Variants in UBE2H observed in about 807,000 individuals in gnomAD.
The protein encoded by UBE2H is ubiquitin-conjugating enzyme E2 H.
Under a neutral mutation model 29.0 loss-of-function variants are expected in UBE2H, and 3 were observed. That is an observed-to-expected ratio of 0.10 (90% confidence interval 0.05 to 0.27). The LOEUF is 0.27. Ranked by LOEUF, UBE2H falls within the 10% of genes least tolerant of loss-of-function variation. The pLI is 1.00. For missense variants in UBE2H, 68 were observed against 228.2 expected (o/e 0.30, Z 4.52); for synonymous variants, 69 against 82.9 (o/e 0.83, Z 0.91).
chr7:129,923,098 C>T (rs1807198281), intron 1 of UBE2H, among the ~76,000 whole-genome samples: 1 of 151,920 alleles, frequency 6.6e-6, no homozygotes, highest in Non-Finnish European at 1.5e-5. Context: ...GACAGGGTTC[C>T]ACCGTGTTAG....
At chr7:129,844,886 T>C (rs921158772) in intron 5 of UBE2H, among the ~76,000 whole-genome samples, 9 of 152,244 alleles carry the variant, frequency 5.9e-5, no homozygotes, top group Non-Finnish European at 1.3e-4. Context: ...CCTAGCACTT[T>C]GGGAGGCCGA....
intron 1 of UBE2H, among the ~76,000 whole-genome samples, chr7:129,908,198 T>C (rs1388403993): frequency 2.0e-5 from 3 of 152,204 alleles, no homozygotes; most frequent in Non-Finnish European, 2.9e-5. Context: ...TTACCAGCAG[T>C]AGACAGTTAT....
At chr7:129,839,103 A>C (rs1281421456) in intron 6 of UBE2H, 104 bp downstream of exon 6, 2 of 1,505,504 alleles carry the variant, frequency 1.3e-6, no homozygotes, top group Admixed American at 2.3e-5. Context: ...TTTAGGCCTA[A>C]GAAAAAGTAT....
chr7:129,891,444 A>G (rs1806485985), intron 1 of UBE2H, among the ~76,000 whole-genome samples: 1 of 152,190 alleles, frequency 6.6e-6, no homozygotes, highest in African/African-American at 2.4e-5. Flanking sequence ...AAATTAAATG[A>G]AATACTGTAT....
At chr7:129,864,934 T>C (rs1397127289) in intron 3 of UBE2H, 1 of 240,458 alleles carries the variant, frequency 4.2e-6, no homozygotes, top group Admixed American at 4.6e-5. Flanking sequence ...GGACAGTTAT[T>C]CTCTGGCGTA....
At chr7:129,947,807 T>C (rs1807795196) in intron 1 of UBE2H, among the ~76,000 whole-genome samples, 1 of 151,906 alleles carries the variant, frequency 6.6e-6, no homozygotes, top group Non-Finnish European at 1.5e-5. Context: ...TTTTCACTAC[T>C]AAACTCCCAG....
At chr7:129,871,713 CAAA>C (rs369901584) in intron 3 of UBE2H, among the ~76,000 whole-genome samples, 10 of 124,372 alleles carry the variant, frequency 8.0e-5, no homozygotes, top group Admixed American at 8.0e-5. Flanking sequence ...GACTCTGTAT[CAAA>C]AAAAAAAAAA....
rs182581581 is a variant in UBE2H, at chr7:129,930,181, G to A, written c.53+22322C>T. On this transcript the variant is annotated intron_variant, in intron 1 of 6. Coordinates refer to ENST00000355621, the MANE Select transcript of UBE2H (RefSeq NM_003344.4). ...CTTTACACTCTGTATTTTTTTTTGCGATGGGGTTTCGCTCTTGTTGCCCAC... is the reference window on the plus strand; with the variant it reads ...CTTTACACTCTGTATTTTTTTTTGCAATGGGGTTTCGCTCTTGTTGCCCAC... Among the ~76,000 whole-genome samples the A allele has an allele frequency of 2.8e-4, 42 of 151,282 alleles. No homozygotes were observed. In the East Asian group the frequency reaches 5.1e-3, roughly 18 times the overall value.
intron 1 of UBE2H, among the ~76,000 whole-genome samples, chr7:129,919,952 T>C (rs1348478292): frequency 6.6e-6 from 1 of 152,210 alleles, no homozygotes; most frequent in Non-Finnish European, 1.5e-5. Context: ...ATGTTGCTGA[T>C]GGGAATGTGA....
intron 1 of UBE2H, among the ~76,000 whole-genome samples, chr7:129,894,749 A>G (rs1348786617): frequency 6.6e-6 from 1 of 151,826 alleles, no homozygotes; most frequent in Non-Finnish European, 1.5e-5. Flanking sequence ...TCAGCCTCCC[A>G]AAGTGCTGGC....
chr7:129,936,377 G>A (rs189430795), intron 1 of UBE2H, among the ~76,000 whole-genome samples: 4 of 151,966 alleles, frequency 2.6e-5, no homozygotes, highest in African/African-American at 7.2e-5. Context: ...GGCAGATCAC[G>A]AGGTCAGGAG....
At chr7:129,945,579 T>C (rs1433457152) in intron 1 of UBE2H, among the ~76,000 whole-genome samples, 1 of 152,194 alleles carries the variant, frequency 6.6e-6, no homozygotes, top group Non-Finnish European at 1.5e-5. Flanking sequence ...ATATTTTAAT[T>C]CAAATGTTTA....
chr7:129,837,649 T>G (rs1805355665), intron 6 of UBE2H, among the ~76,000 whole-genome samples: 2 of 151,578 alleles, frequency 1.3e-5, no homozygotes, highest in Admixed American at 6.6e-5. Flanking sequence ...CACAGATTGG[T>G]GGTGGGAGTG....
chr7:129,838,779 C>T (rs1053557277), intron 6 of UBE2H, among the ~76,000 whole-genome samples: 2 of 152,172 alleles, frequency 1.3e-5, no homozygotes, highest in Non-Finnish European at 2.9e-5. Context: ...GCTGGGACTA[C>T]AGGCGCGTGC....
At chr7:129,905,688 A>G (rs1272920609) in intron 1 of UBE2H, among the ~76,000 whole-genome samples, 1 of 152,212 alleles carries the variant, frequency 6.6e-6, no homozygotes, top group Non-Finnish European at 1.5e-5. Context: ...AGGAAGAGGG[A>G]CAAGCCAAGG....
intron 3 of UBE2H, chr7:129,864,890 G>T: frequency 4.3e-6 from 1 of 233,616 alleles, no homozygotes; most frequent in East Asian, 1.1e-4. Context: ...TCAGTGATTT[G>T]ACCAGATTAA....
intron 1 of UBE2H, among the ~76,000 whole-genome samples, chr7:129,882,537 T>A (rs1370477537): frequency 6.6e-6 from 1 of 152,190 alleles, no homozygotes; most frequent in Non-Finnish European, 1.5e-5. Flanking sequence ...GCCCTGAGTA[T>A]CCACAAGAGA....
chr7:129,884,790 C>T (rs1285231684), intron 1 of UBE2H, among the ~76,000 whole-genome samples: 2 of 151,914 alleles, frequency 1.3e-5, no homozygotes, highest in Non-Finnish European at 2.9e-5. Flanking sequence ...CTCTCTTTGC[C>T]CATGCTGGTC....
intron 1 of UBE2H, among the ~76,000 whole-genome samples, chr7:129,934,062 C>T (rs1807465271): frequency 6.6e-6 from 1 of 152,212 alleles, no homozygotes; most frequent in Non-Finnish European, 1.5e-5. Flanking sequence ...TCACTCATGC[C>T]TGTAATCCCA....
Sources: gnomAD v4.1 joint callset for allele counts (sites outside exome capture counted in the v4.1 genomes callset) on GRCh38, gnomAD v4.1.1 for gene constraint, MANE v1.5 for transcripts, NCBI Gene and HGNC (gene_info 2026-07-23, HGNC 2026-07-21) for gene names.